The following CERS6 variants were observed in gnomAD, a reference collection of about 807,000 sequenced individuals.
CERS6 encodes ceramide synthase 6.
CERS6 carries 26 observed loss-of-function variants against 56.8 expected under a neutral mutation model. The observed-to-expected ratio is 0.46, with a 90% CI of 0.34 to 0.63. CERS6 has a LOEUF of 0.63. CERS6 is among the 30% of genes least tolerant of loss of function. CERS6 has a pLI of 0.01. For missense variants in CERS6, 415 were observed against 467.5 expected, an observed-to-expected ratio of 0.89 and a Z score of 1.04; for synonymous variants, 164 against 173.3, an observed-to-expected ratio of 0.95 and a Z score of 0.42.
intron 1 of CERS6, among the ~76,000 whole-genome samples, chr2:168,501,072 A>G (rs539544530): frequency 6.6e-6 from 1 of 152,372 alleles, no homozygotes; most frequent in African/African-American, 2.4e-5. Context: ...GTGATAGCCA[A>G]TAGAAGGGGA....
chr2:168,664,968 A>C (rs748295900), intron 4 of CERS6, among the ~76,000 whole-genome samples: 1 of 152,170 alleles, frequency 6.6e-6, no homozygotes, highest in Non-Finnish European at 1.5e-5. Flanking sequence ...TCATGGTACT[A>C]TGATACCTGC....
intron 4 of CERS6, among the ~76,000 whole-genome samples, chr2:168,631,550 T>TTAACATTTATATATTAAATATAATATATA (rs1684722845): frequency 4.1e-5 from 2 of 48,772 alleles, no homozygotes; most frequent in Non-Finnish European, 7.4e-5. Context: ...TATATTATAT[T>TTAACATTTATATATTAAATATAATATATA]TTTAATATTT....
chr2:168,465,917 C>T (rs1416368232), intron 1 of CERS6, among the ~76,000 whole-genome samples: 1 of 151,872 alleles, frequency 6.6e-6, no homozygotes, highest in Non-Finnish European at 1.5e-5. Context: ...TGAAAGGTCA[C>T]TAGAAATTAC....
intron 3 of CERS6, among the ~76,000 whole-genome samples, chr2:168,569,201 C>A: frequency 6.6e-6 from 1 of 151,976 alleles, no homozygotes; most frequent in Non-Finnish European, 1.5e-5. Flanking sequence ...TGTGCATATC[C>A]CTGGTGTGTC....
intron 3 of CERS6, among the ~76,000 whole-genome samples, chr2:168,561,551 A>G (rs1461212804): frequency 6.6e-6 from 1 of 152,216 alleles, no homozygotes; most frequent in Non-Finnish European, 1.5e-5. Context: ...CAAAGTAAGC[A>G]TATTATAAAA....
In CERS6 at chr2:168,774,711, G is replaced by GGAAA. The variant is rs1446379269; in HGVS notation, c.*5049_*5050insGAAA. On this transcript the variant is annotated 3_prime_UTR_variant, in exon 10 of 10. Coordinates refer to ENST00000305747, the MANE Select transcript of CERS6 (RefSeq NM_203463.3). ...GATGATTCTGAAACTTTAACTTAGAGCTTCATTACTTTAAGAATGGAAAAC... is the reference window on the plus strand; with the variant it reads ...GATGATTCTGAAACTTTAACTTAGAGGAAACTTCATTACTTTAAGAATGGAAAAC... The GGAAA allele has an allele frequency of 1.7e-4, 26 of 151,738 alleles. No homozygotes were observed. The highest frequency in any genetic ancestry group is 6.3e-4 in the African/African-American group (26 of 41,276). 9.4% of individuals were successfully genotyped at this position (151,738 alleles called of 1,614,324 possible).
chr2:168,570,049 T>C (rs1288188297), intron 3 of CERS6, among the ~76,000 whole-genome samples: 10 of 152,158 alleles, frequency 6.6e-5, no homozygotes, highest in Non-Finnish European at 1.0e-4. Flanking sequence ...GCCACATGGC[T>C]TCCTCAGAGC....
intron 4 of CERS6, among the ~76,000 whole-genome samples, chr2:168,690,489 A>G (rs1188605595): frequency 6.6e-6 from 1 of 152,180 alleles, no homozygotes; most frequent in Non-Finnish European, 1.5e-5. Flanking sequence ...TGTCATAAAA[A>G]GACCTGGATC....
At chr2:168,626,600 TC>T (rs2105290940) in intron 3 of CERS6, among the ~76,000 whole-genome samples, 1 of 152,348 alleles carries the variant, frequency 6.6e-6, no homozygotes, top group East Asian at 1.9e-4. Context: ...GCCTTCCATA[TC>T]CAAGCAAATG....
chr2:168,572,304 T>G (rs1422109027), intron 3 of CERS6, among the ~76,000 whole-genome samples: 1 of 152,132 alleles, frequency 6.6e-6, no homozygotes, highest in East Asian at 1.9e-4. Flanking sequence ...AAGTATTTAT[T>G]GAGGTATTTA....
intron 2 of CERS6, 81 bp downstream of exon 2, chr2:168,547,782 G>A (rs958246785): frequency 2.0e-6 from 2 of 1,003,116 alleles, no homozygotes; most frequent in African/African-American, 3.2e-5. Context: ...TCCCCTTCTG[G>A]GTTTGGAGAA....
At chr2:168,543,430 A>G (rs6718413) in intron 1 of CERS6, among the ~76,000 whole-genome samples, 1 of 152,120 alleles carries the variant, frequency 6.6e-6, no homozygotes, top group African/African-American at 2.4e-5. Context: ...GTTATGAAAG[A>G]CAGCCTTTGT....
intron 1 of CERS6, among the ~76,000 whole-genome samples, chr2:168,509,218 C>G (rs549008367): frequency 6.6e-6 from 1 of 152,324 alleles, no homozygotes; most frequent in African/African-American, 2.4e-5. Context: ...CATTCTTAAA[C>G]AGTATCACCC....
At chr2:168,674,667 G>T (rs1686008723) in intron 4 of CERS6, among the ~76,000 whole-genome samples, 1 of 152,210 alleles carries the variant, frequency 6.6e-6, no homozygotes, top group African/African-American at 2.4e-5. Flanking sequence ...CGGCACAGTG[G>T]CTTAAGGGAC....
chr2:168,470,037 C>T (rs1693948304), intron 1 of CERS6, among the ~76,000 whole-genome samples: 1 of 151,988 alleles, frequency 6.6e-6, no homozygotes, highest in Non-Finnish European at 1.5e-5. Flanking sequence ...CAGGAAATGC[C>T]ATTTCAGGGA....
chr2:168,571,808 C>T (rs990785705), intron 3 of CERS6, among the ~76,000 whole-genome samples: 2 of 152,084 alleles, frequency 1.3e-5, no homozygotes, highest in African/African-American at 4.8e-5. Context: ...TTATCCTTTG[C>T]GTTACAAACA....
chr2:168,512,542 A>C (rs939931419), intron 1 of CERS6, among the ~76,000 whole-genome samples: 12 of 152,040 alleles, frequency 7.9e-5, no homozygotes, highest in Admixed American at 2.6e-4. Flanking sequence ...TAAAACTTCA[A>C]GATGTTTTAA....
At chr2:168,627,598 GTTGAC>G (rs1383851492) in intron 3 of CERS6, among the ~76,000 whole-genome samples, 2 of 146,362 alleles carry the variant, frequency 1.4e-5, no homozygotes, top group African/African-American at 2.5e-5. Context: ...ATTTGTGTGT[GTTGAC>G]TTGTTGTTTT....
At chr2:168,645,835 C>T (rs1434394637) in intron 4 of CERS6, among the ~76,000 whole-genome samples, 1 of 151,978 alleles carries the variant, frequency 6.6e-6, no homozygotes, top group Non-Finnish European at 1.5e-5. Flanking sequence ...ATAATGATCT[C>T]CAGGTCCATC....
Sources: gnomAD v4.1 joint callset for allele counts (sites outside exome capture counted in the v4.1 genomes callset) on GRCh38, gnomAD v4.1.1 for gene constraint, MANE v1.5 for transcripts, NCBI Gene and HGNC (gene_info 2026-07-23, HGNC 2026-07-21) for gene names.